Variants in MAK observed in about 807,000 individuals in gnomAD.
MAK encodes male germ cell associated kinase.
A neutral mutation model predicts 82.6 loss-of-function variants in MAK; 65 were observed. The ratio of observed to expected loss-of-function variants is 0.79; its 90% CI spans 0.64 to 0.97. The LOEUF is 0.97. Ranked by LOEUF, MAK falls within the 50% of genes least tolerant of loss-of-function variation. The pLI, the probability that MAK is intolerant of heterozygous loss-of-function variation, is 0.00. For missense variants in MAK, 703 were observed against 780.2 expected, an observed-to-expected ratio of 0.90 and a Z score of 1.18; for synonymous variants, 250 against 274.2, an observed-to-expected ratio of 0.91 and a Z score of 0.87.
chr6:10,767,790 CAAAAAA>C (rs35961098), intron 14 of MAK, among the ~76,000 whole-genome samples: 45 of 139,392 alleles, frequency 3.2e-4, no homozygotes, highest in Admixed American at 1.1e-3. Flanking sequence ...GACTTTGTCT[CAAAAAA>C]AAAAAAAAAA....
At chr6:10,812,291 A>G (rs902381476) in intron 5 of MAK, among the ~76,000 whole-genome samples, 1 of 152,232 alleles carries the variant, frequency 6.6e-6, no homozygotes, top group Non-Finnish European at 1.5e-5. Flanking sequence ...TTCAGAACAC[A>G]GCAATGGTAT....
chr6:10,797,884 G>C, intron 8 of MAK: 1 of 1,281,378 alleles, frequency 7.8e-7, no homozygotes, highest in Non-Finnish European at 1.0e-6. Flanking sequence ...CTGTGAAACA[G>C]AGCACAAGAA....
chr6:10,786,454 A>C (rs1381637821), intron 10 of MAK, among the ~76,000 whole-genome samples: 6 of 145,902 alleles, frequency 4.1e-5, no homozygotes, highest in Non-Finnish European at 7.5e-5. Flanking sequence ...CCACTAATGC[A>C]CCAGTTCACC....
At chr6:10,771,512 G>A (rs143888056) in intron 13 of MAK, among the ~76,000 whole-genome samples, 130 of 152,308 alleles carry the variant, frequency 8.5e-4, no homozygotes, top group African/African-American at 2.9e-3. Flanking sequence ...CAGGAAGGGA[G>A]ACAGGTTTAT....
intron 14 of MAK, among the ~76,000 whole-genome samples, chr6:10,767,581 A>G (rs1027436164): frequency 2.0e-5 from 3 of 152,092 alleles, no homozygotes; most frequent in Non-Finnish European, 4.4e-5. Flanking sequence ...CGAGGCAGGC[A>G]GATCACGAGG....
intron 2 of MAK, among the ~76,000 whole-genome samples, chr6:10,830,102 C>T (rs923824155): frequency 6.8e-6 from 1 of 147,786 alleles, no homozygotes; most frequent in Non-Finnish European, 1.5e-5. Context: ...AGGCATGAGC[C>T]ACCGCACACA....
Position 10,793,805 on chromosome 6 carries a change from C to G in MAK, c.1144-1958G>C, listed in dbSNP as rs924312661. On this transcript the variant is annotated intron_variant, in intron 9 of 14. Transcript: ENST00000354489. This position sits in a 1 kb window ranked among gnomAD's most constrained non-coding sequence, Gnocchi z 4.6. ...TTCCTTCCCTCACAATATGAGTCAACAATTGATGCATCTTCCAAGGGGTCA... is the reference window on the plus strand; with the variant it reads ...TTCCTTCCCTCACAATATGAGTCAAGAATTGATGCATCTTCCAAGGGGTCA... 6.6e-6 allele frequency among the ~76,000 whole-genome samples: 1 copy of G among 152,136 alleles called. No individual in the cohort carries two copies. The highest frequency in any genetic ancestry group is 1.5e-5 in the Non-Finnish European group (1 of 68,024).
chr6:10,830,609 T>G lies in MAK; in HGVS notation c.40A>C (p.Thr14Pro). 1 of 1,614,174 alleles carries G rather than the reference T, an allele frequency of 6.2e-7. No individual in the cohort carries two copies. The highest frequency in any genetic ancestry group is 8.5e-7 in the Non-Finnish European group (1 of 1,180,004). ...TTGCCCATAAGCACACTCCCATACG[T>G]GCCGTCCCCCAACTGTCTCATGGTT... ...YTTMRQLGDG[T>P]YGSVLMGKSN... The change falls in exon 2 of 15, where the codon ACG (threonine) becomes CCG (proline). Residue 14 changes from threonine (T) to proline (P), a missense_variant. By Grantham distance (38) the Thr-to-Pro change is conservative. Coordinates refer to ENST00000354489, the MANE Select transcript of MAK (RefSeq NM_001242957.3).
At chr6:10,822,308 G>T (rs762809876) in intron 2 of MAK, among the ~76,000 whole-genome samples, 3 of 151,858 alleles carry the variant, frequency 2.0e-5, no homozygotes, top group Non-Finnish European at 2.9e-5. Context: ...ACAAAAATGA[G>T]CTGGGCATGG....
intron 12 of MAK, 78 bp downstream of exon 12, chr6:10,775,250 A>G: frequency 6.6e-7 from 1 of 1,526,398 alleles, no homozygotes; most frequent in Non-Finnish European, 9.0e-7. Flanking sequence ...CTTGGTTGGA[A>G]GAGCACTGCA....
chr6:10,798,009 GTAAT>G, intron 8 of MAK: 1 of 1,024,654 alleles, frequency 9.8e-7, no homozygotes, highest in Non-Finnish European at 1.2e-6. Flanking sequence ...GTCACATTAA[GTAAT>G]TAGTATGTCA....
chr6:10,836,345 C>T (rs115385476), intron 1 of MAK, among the ~76,000 whole-genome samples: 1,682 of 152,302 alleles, frequency 0.011, 38 homozygotes, highest in African/African-American at 0.038. Context: ...TTTTGAACTA[C>T]ATTAATTACA....
chr6:10,813,581 T>G (rs1777229850), intron 5 of MAK, 63 bp downstream of exon 5: 2 of 929,198 alleles, frequency 2.2e-6, no homozygotes, highest in Middle Eastern at 2.1e-4. Flanking sequence ...TTTAATAAAT[T>G]TGTATGCACA....
At chr6:10,764,891 G>A (rs975204881) in intron 14 of MAK, among the ~76,000 whole-genome samples, 6 of 151,972 alleles carry the variant, frequency 3.9e-5, no homozygotes, top group East Asian at 1.9e-4. Context: ...TCAGGAGTTC[G>A]AGACCAGCCT....
intron 2 of MAK, among the ~76,000 whole-genome samples, chr6:10,821,201 G>T (rs1173722724): frequency 6.6e-6 from 1 of 151,534 alleles, no homozygotes; most frequent in Admixed American, 6.6e-5. Context: ...TGCCCACCTC[G>T]GCCTCTCAAA....
chr6:10,827,217 A>G (rs1199955997), intron 2 of MAK, among the ~76,000 whole-genome samples: 1 of 152,196 alleles, frequency 6.6e-6, no homozygotes, highest in Non-Finnish European at 1.5e-5. Flanking sequence ...CCAGACAGTA[A>G]TAACCATCTG....
intron 2 of MAK, among the ~76,000 whole-genome samples, chr6:10,822,231 A>G (rs1206414884): frequency 3.3e-5 from 5 of 151,300 alleles, no homozygotes; most frequent in African/African-American, 4.9e-5. Context: ...AGGCAGGTGG[A>G]TCACCTGCGG....
intron 9 of MAK, among the ~76,000 whole-genome samples, chr6:10,792,573 G>C (rs926248815): frequency 6.6e-6 from 1 of 152,232 alleles, no homozygotes; most frequent in Non-Finnish European, 1.5e-5. Flanking sequence ...GAATGGGAAA[G>C]AAGTCCTGGC....
chr6:10,803,719 C>A lies in MAK; in HGVS notation c.663+1G>T. On this transcript the variant is annotated splice_donor_variant, in intron 7 of 14. Coordinates refer to ENST00000354489, the MANE Select transcript of MAK (RefSeq NM_001242957.3). LOFTEE classifies it high-confidence loss of function. Reference sequence around the variant, plus strand: ...AGCAACTTAGGGACAAGAGTACTTACTTTTTTGGGAGTCCCTAAAACTTGG... The same window carrying A: ...AGCAACTTAGGGACAAGAGTACTTAATTTTTTGGGAGTCCCTAAAACTTGG... 1 of 1,613,028 alleles carries A rather than the reference C, an allele frequency of 6.2e-7. No individual in the cohort carries two copies. Among genetic ancestry groups the A allele is most frequent in the Non-Finnish European group, 8.5e-7 (1 of 1,179,172 alleles).
Sources: allele counts gnomAD v4.1 joint callset (sites outside exome capture counted in the v4.1 genomes callset), GRCh38; gene constraint gnomAD v4.1.1; non-coding constraint Gnocchi (gnomAD v3.1); transcripts MANE v1.5; gene names NCBI Gene and HGNC (gene_info 2026-07-23, HGNC 2026-07-21).